PDE10A: variants seen among roughly 807,000 people sequenced by gnomAD.
PDE10A encodes phosphodiesterase 10A.
In PDE10A, 39 loss-of-function variants were observed where a neutral mutation model predicts 97.7. The observed-to-expected ratio is 0.40, with a 90% CI of 0.31 to 0.52. PDE10A has a LOEUF of 0.52. PDE10A is among the 20% of genes least tolerant of loss of function. The pLI is 0.56. For synonymous variants in PDE10A, 371 were observed against 376.8 expected (o/e 0.98, Z 0.18); for missense variants, 731 against 1,047.8 (o/e 0.70, Z 4.17).
At chr6:165,784,210 G>A (rs1482117510) in intron 1 of PDE10A, among the ~76,000 whole-genome samples, 23 of 148,976 alleles carry the variant, frequency 1.5e-4, no homozygotes, top group Non-Finnish European at 3.0e-4. Flanking sequence ...ACAACAATGC[G>A]AGACTCCATC....
At chr6:165,888,964 C>G (rs1337197173) in intron 1 of PDE10A, among the ~76,000 whole-genome samples, 1 of 152,206 alleles carries the variant, frequency 6.6e-6, no homozygotes, top group Non-Finnish European at 1.5e-5. Context: ...CCTGCAATCA[C>G]AGCCATCTAT....
chr6:165,449,588 T>C lies in PDE10A; in HGVS notation c.1145-611A>G, dbSNP rs140820195. 4.8e-4 allele frequency among the ~76,000 whole-genome samples: 73 copies of C among 152,190 alleles called. No homozygotes were observed. The East Asian group carries it at 0.013, about 27-fold the overall frequency. On this transcript the variant is annotated intron_variant, in intron 4 of 21. Transcript: ENST00000539869. ...TATAGCTTCCTCATCAGTAAAATGG[T>C]GGCAATAATAAAAACAACCTCCTGA...
rs116610760 is a variant in PDE10A at position 165,819,708 on chromosome 6, A to G, written c.-615+167821T>C. Among the ~76,000 whole-genome samples, 4,374 of 151,886 alleles carry G rather than the reference A, an allele frequency of 0.029. 199 individuals carry two copies. The highest frequency in any genetic ancestry group is 0.1 in the African/African-American group (4,146 of 41,398). ...GGATTTCACTGACTGTGCACCACGT[A>G]CTCCTCACCCGCCCTCCCGCTGTGA... is the stretch of plus-strand genomic sequence containing the variant. On this transcript the variant is annotated intron_variant, in intron 1 of 19. Transcript: ENST00000366882. This position sits in a 1 kb window ranked among gnomAD's most constrained non-coding sequence, Gnocchi z 4.2.
chr6:165,336,532 G>A (rs1781659633), intron 20 of PDE10A, among the ~76,000 whole-genome samples: 2 of 152,082 alleles, frequency 1.3e-5, no homozygotes, highest in Non-Finnish European at 2.9e-5. Context: ...GGTGGATCAC[G>A]AGGTCAGGAG....
intron 1 of PDE10A, among the ~76,000 whole-genome samples, chr6:165,964,846 C>T (rs1784463777): frequency 6.6e-6 from 1 of 152,110 alleles, no homozygotes; most frequent in South Asian, 2.1e-4. Context: ...GGGAGTGAGA[C>T]CCTGCGTGAG....
intron 1 of PDE10A, among the ~76,000 whole-genome samples, chr6:165,612,310 G>T (rs1787532125): frequency 6.6e-6 from 1 of 152,028 alleles, no homozygotes; most frequent in South Asian, 2.1e-4. Flanking sequence ...GGAATGCTCT[G>T]CTCCTTAATC....
intron 1 of PDE10A, among the ~76,000 whole-genome samples, chr6:165,600,560 G>T (rs1376695135): frequency 6.6e-6 from 1 of 152,188 alleles, no homozygotes; most frequent in Non-Finnish European, 1.5e-5. Context: ...GTTCACTGTT[G>T]CACAGCCAAG....
intron 1 of PDE10A, among the ~76,000 whole-genome samples, chr6:165,599,198 A>G (rs1786787451): frequency 6.6e-6 from 1 of 152,252 alleles, no homozygotes; most frequent in Non-Finnish European, 1.5e-5. Context: ...GGCAAATAGT[A>G]AATGCTTTGC....
intron 1 of PDE10A, among the ~76,000 whole-genome samples, chr6:165,674,492 G>C (rs557032558): frequency 6.6e-6 from 1 of 152,128 alleles, no homozygotes; most frequent in African/African-American, 2.4e-5. Flanking sequence ...TCAGATTGAC[G>C]TGCGTGCGTG....
chr6:165,380,974 T>A (rs931839532), intron 17 of PDE10A, among the ~76,000 whole-genome samples: 19 of 152,270 alleles, frequency 1.2e-4, no homozygotes, highest in Non-Finnish European at 2.2e-4. Flanking sequence ...CGCACACATC[T>A]GCTTTCAGCA....
chr6:165,677,388 C>G (rs747075762), intron 1 of PDE10A, among the ~76,000 whole-genome samples: 28 of 152,208 alleles, frequency 1.8e-4, no homozygotes, highest in Non-Finnish European at 3.8e-4. Context: ...TAAAAGCTGT[C>G]TCTCTAGATA....
At chr6:165,437,340 T>C (rs978243291) in intron 5 of PDE10A, among the ~76,000 whole-genome samples, 2 of 152,196 alleles carry the variant, frequency 1.3e-5, no homozygotes, top group African/African-American at 2.4e-5. Context: ...ATCTTATACA[T>C]TCCTACATTA....
chr6:165,360,109 T>C (rs1783306793), intron 18 of PDE10A, among the ~76,000 whole-genome samples: 1 of 152,240 alleles, frequency 6.6e-6, no homozygotes, highest in Non-Finnish European at 1.5e-5. Flanking sequence ...ATGGCTTTGC[T>C]GATACTCTAT....
intron 1 of PDE10A, among the ~76,000 whole-genome samples, chr6:165,977,225 A>G (rs1253929252): frequency 1.3e-5 from 2 of 152,220 alleles, no homozygotes; most frequent in Non-Finnish European, 2.9e-5. Context: ...TCAAAATCAC[A>G]ATAGCACGAA....
At chr6:165,512,488 TG>T (rs1215557290) in intron 2 of PDE10A, among the ~76,000 whole-genome samples, 3 of 151,994 alleles carry the variant, frequency 2.0e-5, no homozygotes, top group Non-Finnish European at 4.4e-5. Flanking sequence ...ACTCTCTCCT[TG>T]CCTGTTACCT....
At chr6:165,532,259 T>G (rs1254843966) in intron 2 of PDE10A, among the ~76,000 whole-genome samples, 1 of 151,750 alleles carries the variant, frequency 6.6e-6, no homozygotes, top group African/African-American at 2.4e-5. Flanking sequence ...CAGCACCACA[T>G]TTATTCTCCC....
intron 1 of PDE10A, among the ~76,000 whole-genome samples, chr6:165,828,533 T>C (rs1314406882): frequency 6.6e-6 from 1 of 152,212 alleles, no homozygotes; most frequent in Non-Finnish European, 1.5e-5. Context: ...TACTCACATA[T>C]GTGCATTAAC....
At chr6:165,363,812 TAAC>T (rs1453499173) in intron 18 of PDE10A, among the ~76,000 whole-genome samples, 3 of 152,184 alleles carry the variant, frequency 2.0e-5, no homozygotes, top group Admixed American at 6.5e-5. Flanking sequence ...GTAATAAATT[TAAC>T]AATAGAAGTA....
chr6:165,965,804 G>A (rs1784494146), intron 1 of PDE10A, among the ~76,000 whole-genome samples: 1 of 152,184 alleles, frequency 6.6e-6, no homozygotes, highest in African/African-American at 2.4e-5. Flanking sequence ...TGTAGCTGGG[G>A]CTCTGCCTGA....
Sources: allele counts gnomAD v4.1 joint callset (sites outside exome capture counted in the v4.1 genomes callset), GRCh38; gene constraint gnomAD v4.1.1; non-coding constraint Gnocchi (gnomAD v3.1); transcripts MANE v1.5; gene names NCBI Gene and HGNC (gene_info 2026-07-23, HGNC 2026-07-21).